Variants in PLCG2 observed in about 807,000 individuals in gnomAD.
The protein encoded by PLCG2 is 1-phosphatidylinositol 4,5-bisphosphate phosphodiesterase gamma-2.
PLCG2 carries 69 observed loss-of-function variants against 175.6 expected under a neutral mutation model. The ratio of observed to expected loss-of-function variants is 0.39; its 90% CI spans 0.32 to 0.48. The LOEUF (loss-of-function observed/expected upper bound fraction) is 0.48, where lower values mean the gene tolerates loss of function less well. Ranked by LOEUF, PLCG2 falls within the 20% of genes least tolerant of loss-of-function variation. PLCG2 has a pLI of 0.91. For missense variants in PLCG2, 1,798 were observed against 1,650.9 expected (o/e 1.09, Z -1.54); for synonymous variants, 827 against 624.0 (o/e 1.33, Z -4.85).
intron 20 of PLCG2, among the ~76,000 whole-genome samples, 178 bp from the exon 21 acceptor site, chr16:81,921,020 G>C (rs1483953432): frequency 6.6e-6 from 1 of 152,086 alleles, no homozygotes; most frequent in Non-Finnish European, 1.5e-5. Context: ...TCCAAGTCTG[G>C]GGACCTTCTT....
intron 19 of PLCG2, among the ~76,000 whole-genome samples, chr16:81,915,329 G>A (rs2143671035): frequency 6.6e-6 from 1 of 152,160 alleles, no homozygotes; most frequent in East Asian, 1.9e-4. Flanking sequence ...ATGAACTTCT[G>A]GATAGATTTC....
intron 26 of PLCG2, 129 bp from the exon 27 acceptor site, chr16:81,936,040 C>G (rs1004090753): frequency 1.4e-6 from 2 of 1,469,370 alleles, no homozygotes; most frequent in Admixed American, 4.7e-5. Context: ...TCATCAGAAC[C>G]CCTTGAATGT....
chr16:81,787,025 C>T lies in PLCG2; in HGVS notation c.193+843C>T, dbSNP rs1485536623. ...ACTCTTGTACACTTCTGCACCTTGA[C>T]TTCTTTTTGTTAATTAATAATGATG... On this transcript the variant is annotated intron_variant, in intron 2 of 32. Coordinates refer to ENST00000564138, the MANE Select transcript of PLCG2 (RefSeq NM_002661.5). Among the ~76,000 whole-genome samples, 3 of 152,166 alleles carry T rather than the reference C, an allele frequency of 2.0e-5. No individual in the cohort carries two copies. In the East Asian group the frequency reaches 5.8e-4, roughly 29 times the overall value.
chr16:81,891,337 C>A (rs1424867962), intron 10 of PLCG2, 135 bp from the exon 11 acceptor site: 2 of 664,138 alleles, frequency 3.0e-6, no homozygotes, highest in Admixed American at 2.2e-5. Flanking sequence ...ACGTGGGTAA[C>A]TGAGGTCTGG....
intron 2 of PLCG2, among the ~76,000 whole-genome samples, chr16:81,847,564 A>G (rs749377025): frequency 6.6e-6 from 1 of 152,124 alleles, no homozygotes; most frequent in Non-Finnish European, 1.5e-5. Flanking sequence ...CAAGGGTGTT[A>G]GGGGTTGTGT....
At chr16:81,749,305 A>G (rs183081255) in intron 1 of PLCG2, among the ~76,000 whole-genome samples, 2 of 152,326 alleles carry the variant, frequency 1.3e-5, no homozygotes, top group East Asian at 3.9e-4. Context: ...TTGTCAAATT[A>G]TATGCCTTAA....
intron 19 of PLCG2, among the ~76,000 whole-genome samples, chr16:81,916,296 AG>A (rs1261209127): frequency 2.2e-5 from 2 of 92,590 alleles, no homozygotes; most frequent in Non-Finnish European, 4.3e-5. Context: ...TTTTAAAAAA[AG>A]AAAAAAAACA....
intron 9 of PLCG2, 66 bp downstream of exon 9, chr16:81,883,407 C>T (rs1317915853): frequency 1.5e-6 from 2 of 1,308,586 alleles, no homozygotes; most frequent in East Asian, 4.6e-5. Flanking sequence ...CTAGTCTCAC[C>T]CTTCTGCCGC....
intron 2 of PLCG2, among the ~76,000 whole-genome samples, chr16:81,797,649 T>G (rs1459617264): frequency 6.6e-6 from 1 of 152,188 alleles, no homozygotes; most frequent in Non-Finnish European, 1.5e-5. Flanking sequence ...GGCTGCCCCT[T>G]TCAGCCTCGG....
chr16:81,857,682 A>T (rs970304379), intron 3 of PLCG2, among the ~76,000 whole-genome samples: 1 of 151,978 alleles, frequency 6.6e-6, no homozygotes, highest in African/African-American at 2.4e-5. Flanking sequence ...TGGAGGCCCC[A>T]CTCTCATTAC....
intron 2 of PLCG2, among the ~76,000 whole-genome samples, chr16:81,819,529 T>C (rs1904702896): frequency 6.6e-6 from 1 of 152,164 alleles, no homozygotes; most frequent in Non-Finnish European, 1.5e-5. Flanking sequence ...TGTGAGATCT[T>C]CCCAGCCACC....
At chr16:81,802,517 T>C (rs978866276) in intron 2 of PLCG2, among the ~76,000 whole-genome samples, 1 of 152,200 alleles carries the variant, frequency 6.6e-6, no homozygotes, top group African/African-American at 2.4e-5. Flanking sequence ...AACTGCTACC[T>C]TGACCTACCA....
chr16:81,934,387 A>G (rs745498421), intron 25 of PLCG2, 42 bp from the exon 26 acceptor site: 2 of 1,261,358 alleles, frequency 1.6e-6, no homozygotes, highest in Admixed American at 1.7e-5. Context: ...GGAAGATGGG[A>G]TTTCTCGGGG....
chr16:81,793,246 C>T (rs1343857286), intron 2 of PLCG2, among the ~76,000 whole-genome samples: 4 of 152,140 alleles, frequency 2.6e-5, no homozygotes, highest in African/African-American at 9.7e-5. Flanking sequence ...AGCTGGTTGT[C>T]TGTGAATGTC....
Position 81,910,572 on chromosome 16 carries a change from A to T in PLCG2, c.1786A>T (p.Thr596Ser). 6.2e-7 allele frequency: 1 copy of T among 1,614,084 alleles called. No individual in the cohort carries two copies. Among genetic ancestry groups the T allele is most frequent in the Non-Finnish European group, 8.5e-7 (1 of 1,179,992 alleles). ...CRIRSTMEGG[T>S]LKYYLTDNLT... ...GATCCGCTCCACCATGGAGGGCGGG[A>T]CCCTGAAATACTACTTGACTGACAA... Residue 596 changes from threonine to serine, a missense_variant, in exon 18 of 33, where the codon ACC becomes TCC. Transcript: ENST00000564138.
intron 7 of PLCG2, among the ~76,000 whole-genome samples, chr16:81,872,327 C>G (rs1375905782): frequency 6.6e-6 from 1 of 152,150 alleles, no homozygotes; most frequent in Non-Finnish European, 1.5e-5. Context: ...GACTCCATCT[C>G]AAAACAAACA....
chr16:81,823,484 C>G (rs527753829), intron 2 of PLCG2, among the ~76,000 whole-genome samples: 1 of 152,158 alleles, frequency 6.6e-6, no homozygotes, highest in Non-Finnish European at 1.5e-5. Context: ...CCCTTCCTGT[C>G]TAGCTTGGAT....
At chr16:81,785,779 G>A (rs1054720332) in intron 1 of PLCG2, 164 bp from the exon 2 acceptor site, 9 of 543,532 alleles carry the variant, frequency 1.7e-5, no homozygotes, top group Non-Finnish European at 2.0e-5. Flanking sequence ...TTTGTGTCCT[G>A]CCTTAGCTCT....
At chr16:81,750,455 A>C (rs1393242685) in intron 1 of PLCG2, among the ~76,000 whole-genome samples, 2 of 151,390 alleles carry the variant, frequency 1.3e-5, no homozygotes, top group African/African-American at 4.9e-5. Flanking sequence ...CAGCACAGCA[A>C]TCCCACTTCT....
Sources: allele counts gnomAD v4.1 joint callset (sites outside exome capture counted in the v4.1 genomes callset), GRCh38; gene constraint gnomAD v4.1.1; transcripts MANE v1.5; gene names NCBI Gene and HGNC (gene_info 2026-07-23, HGNC 2026-07-21).